PAK6: variants seen among roughly 807,000 people sequenced by gnomAD.
PAK6 encodes the protein serine/threonine-protein kinase PAK 6.
A neutral mutation model predicts 60.8 loss-of-function variants in PAK6; 33 were observed. The observed-to-expected ratio is 0.54, with a 90% confidence interval of 0.41 to 0.73. The LOEUF is 0.73. Among genes scored for constraint, PAK6 ranks in the 30% least tolerant of loss-of-function variants. PAK6 has a pLI of 0.00. For synonymous variants in PAK6, 404 were observed against 378.5 expected (o/e 1.07, Z -0.78); for missense variants, 845 against 904.1 (o/e 0.93, Z 0.84).
At chr15:40,272,321 G>C (rs758608674) in exon 6 of PAK6, 1 of 1,613,928 alleles carries the variant, frequency 6.2e-7, no homozygotes. Flanking sequence ...GGGACCTTCA[G>C]CCCTCTGACC....
intron 2 of PAK6, among the ~76,000 whole-genome samples, chr15:40,249,799 G>A (rs550593703): frequency 1.6e-4 from 24 of 152,342 alleles, no homozygotes; most frequent in East Asian, 5.8e-4. Context: ...AGGGATAACC[G>A]GGAAGTGCCT....
intron 2 of PAK6, chr15:40,252,268 T>A (rs780852906): frequency 8.3e-7 from 1 of 1,205,650 alleles, no homozygotes; most frequent in East Asian, 5.7e-5. Flanking sequence ...AACGAGGTGA[T>A]TACACACAGC....
chr15:40,241,875 C>G (rs1297735010), intron 2 of PAK6, among the ~76,000 whole-genome samples: 1 of 152,196 alleles, frequency 6.6e-6, no homozygotes, highest in African/African-American at 2.4e-5. Flanking sequence ...AGGAGGAACC[C>G]ATAAGTGTCT....
chr15:40,249,211 T>C (rs1236165684), intron 2 of PAK6, among the ~76,000 whole-genome samples: 2 of 152,160 alleles, frequency 1.3e-5, no homozygotes, highest in African/African-American at 4.8e-5. Context: ...TCTGCTTTCG[T>C]GACTTAATCA....
At chr15:40,253,543 C>T (rs1459595687) in intron 3 of PAK6, among the ~76,000 whole-genome samples, 4 of 152,254 alleles carry the variant, frequency 2.6e-5, no homozygotes, top group Admixed American at 2.6e-4. Context: ...CCGCCCTGCC[C>T]CCGGGCCCAT....
chr15:40,246,828 G>T (rs764137182), intron 2 of PAK6: 5 of 152,392 alleles, frequency 3.3e-5, no homozygotes, highest in African/African-American at 1.2e-4. Context: ...AGTTAGACAG[G>T]TCATGCCTTC....
chr15:40,274,935 C>G (rs1334301035), intron 10 of PAK6, among the ~76,000 whole-genome samples: 1 of 152,198 alleles, frequency 6.6e-6, no homozygotes, highest in East Asian at 1.9e-4. Flanking sequence ...GAAGCCTCTC[C>G]TCTAAAATAG....
intron 3 of PAK6, 98 bp from the exon 4 acceptor site, chr15:40,264,683 C>A: frequency 2.0e-6 from 2 of 976,222 alleles, no homozygotes; most frequent in Non-Finnish European, 3.2e-6. Flanking sequence ...GGGAGCTGTG[C>A]TGGGGGAGGG....
At chr15:40,273,524 C>T (rs1243522441) in intron 8 of PAK6, 27 bp from the exon 9 acceptor site, 1 of 1,613,892 alleles carries the variant, frequency 6.2e-7, no homozygotes, top group Non-Finnish European at 8.5e-7. Context: ...CCTCCTGATC[C>T]ACCACTCACT....
chr15:40,244,403 A>ATTT (rs146019058), intron 2 of PAK6, among the ~76,000 whole-genome samples: 1 of 136,674 alleles, frequency 7.3e-6, no homozygotes, highest in African/African-American at 2.7e-5. Context: ...TTTTCTTTTT[A>ATTT]TTTTTTTTTT....
At chr15:40,267,395 C>T (rs931142464) in intron 5 of PAK6, among the ~76,000 whole-genome samples, 5 of 152,210 alleles carry the variant, frequency 3.3e-5, no homozygotes, top group Non-Finnish European at 5.9e-5. Flanking sequence ...TGGTGGCTCA[C>T]GTCTGTAGTC....
intron 3 of PAK6, among the ~76,000 whole-genome samples, chr15:40,263,625 T>C (rs2039040094): frequency 1.3e-5 from 2 of 152,136 alleles, no homozygotes; most frequent in South Asian, 4.2e-4. Context: ...TTTTATTGTT[T>C]GTTTTTTGAG....
intron 2 of PAK6, chr15:40,251,604 A>C (rs1176696979): frequency 6.6e-6 from 1 of 152,616 alleles, no homozygotes; most frequent in African/African-American, 2.4e-5. Context: ...GCTCTGTGAC[A>C]CTGGCAGTCA....
rs183539756 is a variant in PAK6 at position 40,246,971 on chromosome 15, G to A, written c.-117-6207G>A. ...GTGTTCTGCCCAAAGTGTTGGAGGTGGGCCTCAGGCAACAAATACCCTGCT... is the reference window on the plus strand; with the variant it reads ...GTGTTCTGCCCAAAGTGTTGGAGGTAGGCCTCAGGCAACAAATACCCTGCT... On this transcript the variant is annotated intron_variant, in intron 2 of 10. Transcript: ENST00000560346. 7.9e-4 allele frequency: 121 copies of A among 152,492 alleles called. 1 individual carries two copies. The highest frequency in any genetic ancestry group is 2.8e-3 in the African/African-American group (117 of 41,584). 9.4% of individuals were successfully genotyped at this position (152,492 alleles called of 1,614,324 possible).
exon 6 of PAK6, chr15:40,272,454 C>T: frequency 6.2e-7 from 1 of 1,613,734 alleles, no homozygotes; most frequent in Non-Finnish European, 8.5e-7. Context: ...GCACCAGCAA[C>T]CTGTACCTGC....
chr15:40,262,788 ACT>A (rs1011571365), intron 3 of PAK6, among the ~76,000 whole-genome samples: 1 of 151,922 alleles, frequency 6.6e-6, no homozygotes, highest in Non-Finnish European at 1.5e-5. Flanking sequence ...ATGTATGGGG[ACT>A]CTGCTTACTT....
intron 2 of PAK6, chr15:40,252,895 C>T: frequency 8.2e-7 from 1 of 1,214,132 alleles, no homozygotes; most frequent in South Asian, 1.4e-5. Context: ...GCATTCGCGT[C>T]CCCGAGAGGG....
intron 6 of PAK6, 24 bp downstream of exon 6, chr15:40,272,745 G>T (rs761795518): frequency 6.3e-7 from 1 of 1,578,836 alleles, no homozygotes; most frequent in Admixed American, 1.7e-5. Flanking sequence ...GTGGGACACA[G>T]ACGGGGGCGT....
chr15:40,253,191 T>C (rs1442435630), exon 3 of PAK6: 4 of 456,050 alleles, frequency 8.8e-6, no homozygotes, highest in South Asian at 6.2e-5. Flanking sequence ...TGCGGAGGAC[T>C]GGCCCAGCAA....
Sources: allele counts gnomAD v4.1 joint callset (sites outside exome capture counted in the v4.1 genomes callset), GRCh38; gene constraint gnomAD v4.1.1; transcripts MANE v1.5; gene names NCBI Gene and HGNC (gene_info 2026-07-23, HGNC 2026-07-21).